Variants in CASK observed in about 807,000 individuals in gnomAD.
The protein encoded by CASK is peripheral plasma membrane protein CASK.
CASK carries 4 observed loss-of-function variants against 82.9 expected under a neutral mutation model. The observed-to-expected ratio is 0.05, with a 90% CI of 0.02 to 0.11. CASK has a LOEUF of 0.11. Ranked by LOEUF, CASK falls within the 10% of genes least tolerant of loss-of-function variation. CASK has a pLI of 1.00. For synonymous variants in CASK, 259 were observed against 253.5 expected (o/e 1.02, Z -0.20); for missense variants, 358 against 720.9 (o/e 0.50, Z 5.76).
At chrX:41,569,006 C>G (rs1448011860) in intron 16 of CASK, among the ~76,000 whole-genome samples, 1 of 111,401 alleles carries the variant, frequency 9.0e-6, no homozygotes, top group Non-Finnish European at 1.9e-5. Flanking sequence ...AAAAAACCCC[C>G]ACATCATTCT....
At chrX:41,908,145 C>A (rs1286498496) in intron 1 of CASK, among the ~76,000 whole-genome samples, 1 of 111,634 alleles carries the variant, frequency 9.0e-6, no homozygotes, top group Non-Finnish European at 1.9e-5. Flanking sequence ...CTGAAGGAGG[C>A]AGATCACCTG....
intron 5 of CASK, chrX:41,727,418 C>G (rs775680752): frequency 2.0e-5 from 24 of 1,209,661 alleles, no homozygotes; most frequent in Non-Finnish European, 2.6e-5. Context: ...CAAGAGACTA[C>G]TTCATGCTAT....
intron 1 of CASK, among the ~76,000 whole-genome samples, chrX:41,918,904 C>A (rs1456611224): frequency 8.9e-6 from 1 of 111,987 alleles, no homozygotes; most frequent in Non-Finnish European, 1.9e-5. Context: ...CCCAGAAACT[C>A]GGACTTCACT....
At chrX:41,722,580 C>T (rs2068185934) in intron 5 of CASK, among the ~76,000 whole-genome samples, 1 of 111,922 alleles carries the variant, frequency 8.9e-6, no homozygotes, top group African/African-American at 3.3e-5. Context: ...AGGCACATAG[C>T]GAGATATCTG....
intron 20 of CASK, 88 bp from the exon 21 acceptor site, chrX:41,554,003 C>T (rs973898630): frequency 9.2e-6 from 6 of 654,135 alleles, no homozygotes; most frequent in South Asian, 4.6e-5. Flanking sequence ...CCAACAGTTA[C>T]AATACAAACA....
intron 2 of CASK, among the ~76,000 whole-genome samples, chrX:41,827,846 T>C (rs1346668595): frequency 8.9e-6 from 1 of 112,073 alleles, no homozygotes; most frequent in Admixed American, 9.5e-5. Context: ...TACTCTCCTG[T>C]AGCTTTATTT....
At chrX:41,675,754 C>T in intron 5 of CASK, 4 of 1,199,704 alleles carry the variant, frequency 3.3e-6, no homozygotes, top group Non-Finnish European at 3.4e-6. Context: ...GTTGGAAGGC[C>T]GGTTAATTTT....
chrX:41,811,996 G>T (rs1357540036), intron 2 of CASK, among the ~76,000 whole-genome samples: 1 of 111,678 alleles, frequency 9.0e-6, no homozygotes, highest in South Asian at 3.8e-4. Context: ...TAGAAGAAAT[G>T]GATAAATTCC....
intron 3 of CASK, among the ~76,000 whole-genome samples, chrX:41,758,464 GA>G (rs1051194551): frequency 9.6e-6 from 1 of 104,574 alleles, no homozygotes; most frequent in East Asian, 3.0e-4. Flanking sequence ...GAAAAAAAAA[GA>G]AAGTCTTCAT....
intron 22 of CASK, among the ~76,000 whole-genome samples, chrX:41,536,178 C>T (rs2064870699): frequency 1.8e-5 from 2 of 110,934 alleles, no homozygotes; most frequent in Non-Finnish European, 3.8e-5. Context: ...AGTGCAGTGG[C>T]GCGATCTCGG....
chrX:41,899,893 C>A (rs1326792903), intron 1 of CASK, among the ~76,000 whole-genome samples: 1 of 111,178 alleles, frequency 9.0e-6, no homozygotes, highest in Non-Finnish European at 1.9e-5. Flanking sequence ...TTGTTAGAGT[C>A]CTTTTGTTTC....
intron 14 of CASK, chrX:41,584,897 A>C (rs1206696368): frequency 1.8e-5 from 2 of 112,944 alleles, no homozygotes; most frequent in Non-Finnish European, 3.7e-5. Context: ...ATCACATTTG[A>C]GGATTATTAA....
intron 5 of CASK, among the ~76,000 whole-genome samples, chrX:41,685,790 C>A (rs2067430949): frequency 9.0e-6 from 1 of 111,713 alleles, no homozygotes; most frequent in Non-Finnish European, 1.9e-5. Context: ...GCTTTTGTTT[C>A]TTAGAGAGAC....
chrX:41,807,164 T>C (rs746282785), intron 2 of CASK, among the ~76,000 whole-genome samples: 2 of 111,170 alleles, frequency 1.8e-5, no homozygotes, highest in Non-Finnish European at 3.8e-5. Context: ...TTTATAAACC[T>C]AGCCACCACT....
chrX:41,721,694 G>T (rs963682375), intron 5 of CASK, among the ~76,000 whole-genome samples: 1 of 111,912 alleles, frequency 8.9e-6, no homozygotes, highest in African/African-American at 3.2e-5. Flanking sequence ...CTCTAGGCAA[G>T]CTATTTAACC....
chrX:41,832,143 A>G (rs916077171), intron 2 of CASK, among the ~76,000 whole-genome samples: 2 of 111,280 alleles, frequency 1.8e-5, no homozygotes, highest in Middle Eastern at 4.2e-3. Flanking sequence ...AGGAACTGGG[A>G]AAGAGGAAAG....
At chrX:41,615,298 A>G (rs1401707279) in intron 11 of CASK, among the ~76,000 whole-genome samples, 2 of 111,108 alleles carry the variant, frequency 1.8e-5, no homozygotes, top group Non-Finnish European at 3.8e-5. Flanking sequence ...CTTTGTTCAG[A>G]GTGCCCCCCC....
intron 12 of CASK, among the ~76,000 whole-genome samples, chrX:41,596,364 T>C (rs2065822245): frequency 8.9e-6 from 1 of 112,309 alleles, no homozygotes; most frequent in African/African-American, 3.2e-5. Context: ...TGTGTTCCAA[T>C]AAAACTTTAT....
intron 1 of CASK, among the ~76,000 whole-genome samples, chrX:41,915,198 T>G (rs1421015656): frequency 9.0e-6 from 1 of 110,628 alleles, no homozygotes. Flanking sequence ...CACAGATGAC[T>G]CCCAAATCTT....
Sources: allele counts gnomAD v4.1 joint callset (sites outside exome capture counted in the v4.1 genomes callset), GRCh38; gene constraint gnomAD v4.1.1; transcripts MANE v1.5; gene names NCBI Gene and HGNC (gene_info 2026-07-23, HGNC 2026-07-21).